The following CNTNAP4 variants were observed in gnomAD, a reference collection of about 807,000 sequenced individuals.
The protein encoded by CNTNAP4 is contactin associated protein family member 4.
Under a neutral mutation model 148.4 loss-of-function variants are expected in CNTNAP4, and 98 were observed. The ratio of observed to expected loss-of-function variants is 0.66; its 90% CI spans 0.56 to 0.78. CNTNAP4 has a LOEUF of 0.78. Ranked by LOEUF, CNTNAP4 falls within the 30% of genes least tolerant of loss-of-function variation. The probability of loss-of-function intolerance (pLI) is 0.00; values close to 1 mark genes in which losing one functional copy is unlikely to be tolerated. For missense variants in CNTNAP4, 1,935 were observed against 1,565.6 expected (o/e 1.24, Z -3.98); for synonymous variants, 730 against 565.1 (o/e 1.29, Z -4.14).
intron 3 of CNTNAP4, among the ~76,000 whole-genome samples, chr16:76,369,593 G>GC (rs2014559143): frequency 6.6e-6 from 1 of 152,228 alleles, no homozygotes; most frequent in African/African-American, 2.4e-5. Flanking sequence ...TGTAATCCCT[G>GC]CCCTTTGGGA....
At chr16:76,431,185 C>A (rs1208849385) in intron 4 of CNTNAP4, among the ~76,000 whole-genome samples, 1 of 151,942 alleles carries the variant, frequency 6.6e-6, no homozygotes, top group African/African-American at 2.4e-5. Context: ...AAAGGATGGT[C>A]CAAATAGGAA....
chr16:76,372,010 G>A (rs1227205026), intron 3 of CNTNAP4, among the ~76,000 whole-genome samples: 1 of 152,138 alleles, frequency 6.6e-6, no homozygotes, highest in African/African-American at 2.4e-5. Context: ...GTTATTTCCA[G>A]GGAGTCTCTG....
intron 1 of CNTNAP4, among the ~76,000 whole-genome samples, chr16:76,283,373 A>C (rs549452825): frequency 1.3e-5 from 2 of 152,136 alleles, no homozygotes; most frequent in East Asian, 3.9e-4. Flanking sequence ...TGTTCATTGC[A>C]GCACTCTTTA....
At chr16:76,281,965 C>G (rs1958704084) in intron 1 of CNTNAP4, among the ~76,000 whole-genome samples, 1 of 151,732 alleles carries the variant, frequency 6.6e-6, no homozygotes, top group Non-Finnish European at 1.5e-5. Flanking sequence ...AGATTGTTTA[C>G]CCTCTTACTA....
At chr16:76,454,179 ATC>A (rs1230025159) in intron 8 of CNTNAP4, among the ~76,000 whole-genome samples, 2 of 148,420 alleles carry the variant, frequency 1.3e-5, no homozygotes, top group East Asian at 4.0e-4. Context: ...TTATGGTGCA[ATC>A]TCAGCTCACC....
chr16:76,442,551 G>T (rs1253249953), intron 4 of CNTNAP4, among the ~76,000 whole-genome samples: 2 of 152,110 alleles, frequency 1.3e-5, no homozygotes, highest in Non-Finnish European at 1.5e-5. Flanking sequence ...TGGGCTTCTG[G>T]TGAGGGCTTT....
intron 2 of CNTNAP4, among the ~76,000 whole-genome samples, chr16:76,341,032 A>C (rs890498409): frequency 6.6e-6 from 1 of 152,202 alleles, no homozygotes; most frequent in Non-Finnish European, 1.5e-5. Flanking sequence ...ATTTCGGACA[A>C]ATTGAAGCTC....
At chr16:76,423,093 G>A (rs960680352) in intron 3 of CNTNAP4, among the ~76,000 whole-genome samples, 7 of 152,100 alleles carry the variant, frequency 4.6e-5, no homozygotes, top group South Asian at 4.2e-4. Flanking sequence ...ACATGAAGTA[G>A]GCCTTCACCA....
intron 3 of CNTNAP4, among the ~76,000 whole-genome samples, chr16:76,364,007 T>A (rs111636938): frequency 0.25 from 37,472 of 151,314 alleles, 5,038 homozygotes; most frequent in East Asian, 0.41. Flanking sequence ...GAGGCTGGGG[T>A]GGGTGCATCA....
chr16:76,519,746 G>A (rs1286435863), intron 15 of CNTNAP4, among the ~76,000 whole-genome samples: 3 of 151,990 alleles, frequency 2.0e-5, no homozygotes, highest in Non-Finnish European at 4.4e-5. Flanking sequence ...GATAATATAT[G>A]GTTTCATTTG....
intron 8 of CNTNAP4, among the ~76,000 whole-genome samples, chr16:76,454,111 C>CTTTTTTTTTTTTTTTTTTTTTTTTT (rs11302612): frequency 7.7e-6 from 1 of 130,098 alleles, no homozygotes; most frequent in African/African-American, 2.8e-5. Flanking sequence ...CTATTTCTTT[C>CTTTTTTTTTTTTTTTTTTTTTTTTT]TTTTTTTTTT....
chr16:76,454,265 C>T (rs2080636808), intron 8 of CNTNAP4, among the ~76,000 whole-genome samples: 1 of 152,102 alleles, frequency 6.6e-6, no homozygotes, highest in African/African-American at 2.4e-5. Context: ...CAGGCATGTG[C>T]CACCACACCC....
intron 3 of CNTNAP4, among the ~76,000 whole-genome samples, chr16:76,364,581 C>T (rs895080664): frequency 3.3e-5 from 5 of 152,104 alleles, no homozygotes; most frequent in Admixed American, 6.5e-5. Context: ...ACCACGGCTG[C>T]GATACTGTGT....
chr16:76,520,327 G>A (rs1597040314), intron 15 of CNTNAP4, among the ~76,000 whole-genome samples: 1 of 152,076 alleles, frequency 6.6e-6, no homozygotes, highest in South Asian at 2.1e-4. Context: ...AAGAAAAGTT[G>A]TAGATATGAA....
rs144856144 is a variant in CNTNAP4 at position 76,335,220 on chromosome 16, G to A, written c.196+18697G>A. On this transcript the variant is annotated intron_variant, in intron 2 of 23. Coordinates refer to ENST00000611870, the MANE Select transcript of CNTNAP4 (RefSeq NM_033401.5). ...AGGTGAGCACATACATTTCTGCAAG[G>A]AAGGATGAGATAAAAACACATTCAG... 5.9e-5 allele frequency among the ~76,000 whole-genome samples: 9 copies of A among 152,246 alleles called. No individual in the cohort carries two copies. The East Asian group carries it at 1.6e-3, about 26-fold the overall frequency.
At chr16:76,520,515 T>A (rs898005054) in intron 15 of CNTNAP4, among the ~76,000 whole-genome samples, 3 of 152,208 alleles carry the variant, frequency 2.0e-5, no homozygotes, top group African/African-American at 7.2e-5. Flanking sequence ...TCTACTTCAT[T>A]CTTATTGGCA....
At chr16:76,517,243 G>A (rs191049371) in intron 15 of CNTNAP4, among the ~76,000 whole-genome samples, 52 of 152,206 alleles carry the variant, frequency 3.4e-4, no homozygotes, top group Middle Eastern at 3.4e-3. Context: ...AGCTGTGCGC[G>A]GGAAGGATGA....
At chr16:76,308,693 G>T (rs925641434) in intron 1 of CNTNAP4, among the ~76,000 whole-genome samples, 18 of 152,212 alleles carry the variant, frequency 1.2e-4, no homozygotes, top group Non-Finnish European at 2.2e-4. Context: ...CTGGCTGTGG[G>T]ACACAATCAT....
At chr16:76,497,708 G>A (rs1341406550) in intron 14 of CNTNAP4, among the ~76,000 whole-genome samples, 1 of 152,078 alleles carries the variant, frequency 6.6e-6, no homozygotes, top group East Asian at 1.9e-4. Flanking sequence ...TGGGGGGATA[G>A]GGGAGGGATA....
Sources: gnomAD v4.1 joint callset for allele counts (sites outside exome capture counted in the v4.1 genomes callset) on GRCh38, gnomAD v4.1.1 for gene constraint, MANE v1.5 for transcripts, NCBI Gene and HGNC (gene_info 2026-07-23, HGNC 2026-07-21) for gene names.